Variants in SPHK1 observed in about 807,000 individuals in gnomAD.
SPHK1 encodes the protein sphingosine kinase 1.
SPHK1 carries 10 observed loss-of-function variants against 14.6 expected under a neutral mutation model. The ratio of observed to expected loss-of-function variants is 0.68; its 90% CI spans 0.42 to 1.16. The LOEUF (loss-of-function observed/expected upper bound fraction) is 1.16. SPHK1 is among the 50% of genes most tolerant of loss of function. The probability of loss-of-function intolerance (pLI) is 0.00; values close to 1 mark genes in which losing one functional copy is unlikely to be tolerated. For missense variants in SPHK1, 553 were observed against 525.4 expected (o/e 1.05, Z -0.51); for synonymous variants, 274 against 224.0 (o/e 1.22, Z -1.99).
upstream of SPHK1, chr17:76,384,216 C>T (rs1445270699): frequency 1.3e-5 from 2 of 154,320 alleles, no homozygotes; most frequent in South Asian, 1.8e-4. Flanking sequence ...AACCAAGGGT[C>T]CCCCGGGAGA....
Position 76,385,170 on chromosome 17 carries a change from G to GTC in SPHK1, c.-194-280_-194-279insCT. 6.3e-7 allele frequency: 1 copy of GTC among 1,589,504 alleles called. No homozygotes were observed. ...CCCCTCCCCCTGGCAGCCCCGAGGGGTGAGGAGCTAGTCCGTCGGAGGGAG... is the reference window on the plus strand; with the variant it reads ...CCCCTCCCCCTGGCAGCCCCGAGGGGTCTGAGGAGCTAGTCCGTCGGAGGGAG... On this transcript the variant is annotated intron_variant, in intron 1 of 5. Coordinates refer to ENST00000592299, the MANE Select transcript of SPHK1 (RefSeq NM_001142601.2). The surrounding 1 kb of genome is among the most constrained non-coding windows in gnomAD (Gnocchi z 5.3).
At position 76,385,261 on chromosome 17, in the gene SPHK1, A is replaced by G; in HGVS notation, c.-194-190A>G. 6 of 1,513,640 alleles carry G rather than the reference A, an allele frequency of 4.0e-6. No homozygotes were observed. The allele number at this position is 1,513,640 out of a possible 1,614,324, so 93.8% of individuals were successfully genotyped here. A position where few individuals can be genotyped will look rare whatever the true frequency, so the allele number is the denominator to read the frequency against. ...CCAAGCCCCAGGGAGAAAGCCCCGG[A>G]GCAGGCGCCCTTCTCAGGGATTGTA... On this transcript the variant is annotated intron_variant, in intron 1 of 5. Transcript: ENST00000592299. The surrounding 1 kb of genome is among the most constrained non-coding windows in gnomAD (Gnocchi z 5.3).
Position 76,385,085 on chromosome 17 carries a change from C to T in SPHK1, c.-195+279C>T, listed in dbSNP as rs1366697939. On this transcript the variant is annotated intron_variant, in intron 1 of 5. Transcript: ENST00000592299. The surrounding 1 kb of genome is among the most constrained non-coding windows in gnomAD (Gnocchi z 5.3). ...TGGATGGCTGGGGCAGGGATCCTCT[C>T]CCAGAACTTCGTGCCCAGCAATGTC... The T allele has an allele frequency of 1.3e-6, 2 of 1,552,462 alleles. No individual in the cohort carries two copies. The highest frequency in any genetic ancestry group is 1.4e-5 in the African/African-American group (1 of 73,312).
rs765051278 is a variant in SPHK1 at position 76,387,096 on chromosome 17, C to A, written c.665C>A (p.Thr222Lys). The change falls in exon 6 of 6, where the codon ACA (threonine) becomes AAA (lysine). Residue 222 changes from threonine to lysine, a missense_variant. Thr to Lys is a moderately conservative substitution (Grantham distance 78). Transcript: ENST00000592299. The surrounding 1 kb of genome is among the most constrained non-coding windows in gnomAD (Gnocchi z 4.1). ...CCTGTAGGAAGAGTGGGTTCCAAGA[C>A]ACCTGCCTCCCCCGTTGTGGTCCAG... ...YLPVGRVGSK[T>K]PASPVVVQQG... 3 of 1,613,198 alleles carry A rather than the reference C, an allele frequency of 1.9e-6. No individual in the cohort carries two copies. The African/African-American group carries it at 4.0e-5, about 22-fold the overall frequency.
chr17:76,386,912 C>A lies in SPHK1; in HGVS notation c.481C>A (p.Leu161Met). 2.5e-6 allele frequency: 4 copies of A among 1,612,848 alleles called. No individual in the cohort carries two copies. The highest frequency in any genetic ancestry group is 3.4e-6 in the Non-Finnish European group (4 of 1,179,458). ...NLLSLHTASG[L>M]RLFSVLSLAW... is the part of the protein sequence containing the mutation. ...GCTGTCTCTGCACACGGCTTCGGGGCTGCGCCTCTTCTCTGTGCTCAGCCT... is the reference window on the plus strand; with the variant it reads ...GCTGTCTCTGCACACGGCTTCGGGGATGCGCCTCTTCTCTGTGCTCAGCCT... Residue 161 changes from leucine to methionine, a missense_variant, in exon 6 of 6, where the codon CTG becomes ATG. Leu to Met is a conservative substitution (Grantham distance 15). Coordinates refer to ENST00000592299, the MANE Select transcript of SPHK1 (RefSeq NM_001142601.2). The surrounding 1 kb of genome is among the most constrained non-coding windows in gnomAD (Gnocchi z 5.3).
chr17:76,384,858 C>T (rs2071933607), intron 1 of SPHK1, 52 bp downstream of exon 1: 5 of 398,554 alleles, frequency 1.3e-5, no homozygotes, highest in South Asian at 9.5e-5. Flanking sequence ...GTGCGGCCCG[C>T]CCTCGCGGGG....
At position 76,385,043 on chromosome 17, in the gene SPHK1, C is replaced by T; in HGVS notation, c.-195+237C>T. ...GCTCCCACCGCTCTGGAGCTCCGGG[C>T]AGGGGACACGGCAACCTGGATGGCT... On this transcript the variant is annotated intron_variant, in intron 1 of 5. Coordinates refer to ENST00000592299, the MANE Select transcript of SPHK1 (RefSeq NM_001142601.2). The surrounding 1 kb of genome is among the most constrained non-coding windows in gnomAD (Gnocchi z 5.3). The T allele has an allele frequency of 6.6e-7, 1 of 1,526,288 alleles. No individual in the cohort carries two copies. Among genetic ancestry groups the T allele is most frequent in the South Asian group, 1.2e-5 (1 of 81,636 alleles). The allele number at this position is 1,526,288 out of a possible 1,614,324, so 94.5% of individuals were successfully genotyped here. A position where few individuals can be genotyped will look rare whatever the true frequency, so the allele number is the denominator to read the frequency against.
In SPHK1 at chr17:76,387,337, C is replaced by T. The variant is rs1474529646; in HGVS notation, c.906C>T (p.Leu302=). The change falls in exon 6 of 6, where the codon CTC becomes CTT. Residue 302 remains leucine, a synonymous_variant. Coordinates refer to ENST00000592299, the MANE Select transcript of SPHK1 (RefSeq NM_001142601.2). This position sits in a 1 kb window ranked among gnomAD's most constrained non-coding sequence, Gnocchi z 4.1. The part of the protein sequence containing the change: ...AGVSRAMLLR[L]FLAMEKGRHM... The stretch of plus-strand genomic sequence containing the variant: ...TGTCTCGTGCCATGCTGCTGCGCCT[C>T]TTCCTGGCCATGGAGAAGGGCAGGC... 1 of 1,613,864 alleles carries T rather than the reference C, an allele frequency of 6.2e-7. No homozygotes were observed. Among genetic ancestry groups the T allele is most frequent in the Admixed American group, 1.7e-5 (1 of 60,008 alleles).
At chr17:76,384,307 T>A (rs2071920123), upstream of SPHK1, 1 of 151,318 alleles carries the variant, frequency 6.6e-6, no homozygotes. Flanking sequence ...CGCGGTCGCT[T>A]TCGCGCGCCC....
In SPHK1 at chr17:76,386,001, CG is replaced by C; in HGVS notation, c.28del (p.Val10CysfsTer12). On this transcript the variant is annotated frameshift_variant, in exon 3 of 6. Transcript: ENST00000592299. LOFTEE classifies it high-confidence loss of function. This position sits in a 1 kb window ranked among gnomAD's most constrained non-coding sequence, Gnocchi z 5.3. ...TTTTCTCAGCGGGCGGCCCCCGGGGCGTGCTCCCGCGGCCCTGCCGCGTGCT... is the reference window on the plus strand; with the variant it reads ...TTTTCTCAGCGGGCGGCCCCCGGGGCTGCTCCCGCGGCCCTGCCGCGTGCT... MDPAGGPRG[V>X]LPRPCRVLVL... 1 of 1,601,172 alleles carries C rather than the reference CG, an allele frequency of 6.2e-7. No homozygotes were observed. The highest frequency in any genetic ancestry group is 8.5e-7 in the Non-Finnish European group (1 of 1,173,152).
rs1026900177 is a variant in SPHK1, at chr17:76,385,235, C to G, written c.-194-216C>G. 40 of 1,539,548 alleles carry G rather than the reference C, an allele frequency of 2.6e-5. No individual in the cohort carries two copies. Among genetic ancestry groups the G allele is most frequent in the Non-Finnish European group, 2.9e-5 (33 of 1,142,206 alleles). On this transcript the variant is annotated intron_variant, in intron 1 of 5. Coordinates refer to ENST00000592299, the MANE Select transcript of SPHK1 (RefSeq NM_001142601.2). This position sits in a 1 kb window ranked among gnomAD's most constrained non-coding sequence, Gnocchi z 5.3. ...CTCATCCGTCGGGCCGGAACCGAAC[C>G]CCAAGCCCCAGGGAGAAAGCCCCGG... is the stretch of plus-strand genomic sequence containing the variant.
rs1192192759 is a variant in SPHK1 at position 76,385,134 on chromosome 17, G to C, written c.-194-317G>C. 6.3e-7 allele frequency: 1 copy of C among 1,592,918 alleles called. No individual in the cohort carries two copies. Among genetic ancestry groups the C allele is most frequent in the Non-Finnish European group, 8.5e-7 (1 of 1,170,910 alleles). ...TCCGCTCAAGTTCTGGGATTTTTAC[G>C]CAGCTGGACTCCCCTCCCCCTGGCA... On this transcript the variant is annotated intron_variant, in intron 1 of 5. Coordinates refer to ENST00000592299, the MANE Select transcript of SPHK1 (RefSeq NM_001142601.2). The surrounding 1 kb of genome is among the most constrained non-coding windows in gnomAD (Gnocchi z 5.3).
chr17:76,385,892 C>T lies in SPHK1; in HGVS notation c.11-93C>T. On this transcript the variant is annotated intron_variant, in intron 2 of 5. Transcript: ENST00000592299. This position sits in a 1 kb window ranked among gnomAD's most constrained non-coding sequence, Gnocchi z 5.3. Reference sequence around the variant, plus strand: ...GCCAGGGTCAATTACCGGGGTGTTTCGGGCACCAAGTTCCCACACTAGTGC... The same window carrying T: ...GCCAGGGTCAATTACCGGGGTGTTTTGGGCACCAAGTTCCCACACTAGTGC... 1 of 1,496,722 alleles carries T rather than the reference C, an allele frequency of 6.7e-7. No individual in the cohort carries two copies. Among genetic ancestry groups the T allele is most frequent in the Admixed American group, 2.2e-5 (1 of 44,464 alleles). 92.7% of individuals were successfully genotyped at this position (1,496,722 alleles called of 1,614,324 possible). A position where few individuals can be genotyped will look rare whatever the true frequency, so the allele number is the denominator to read the frequency against.
In SPHK1 at chr17:76,386,259, G is replaced by C; in HGVS notation, c.202G>C (p.Glu68Gln). Reference protein sequence around the residue: ...NHARELVRSEELGRWDALVVM... With the variant: ...NHARELVRSEQLGRWDALVVM... Reference sequence around the variant, plus strand: ...CGCGCGGGAGCTGGTGCGGTCGGAGGAGCTGGGCCGCTGGGACGCTCTGGT... The same window carrying C: ...CGCGCGGGAGCTGGTGCGGTCGGAGCAGCTGGGCCGCTGGGACGCTCTGGT... Residue 68 changes from glutamate (E) to glutamine (Q), a missense_variant, in exon 4 of 6, where the codon GAG becomes CAG. Glu to Gln is a conservative substitution (Grantham distance 29). Transcript: ENST00000592299. This position sits in a 1 kb window ranked among gnomAD's most constrained non-coding sequence, Gnocchi z 5.3. 1 of 1,596,242 alleles carries C rather than the reference G, an allele frequency of 6.3e-7. No homozygotes were observed. Among genetic ancestry groups the C allele is most frequent in the Non-Finnish European group, 8.5e-7 (1 of 1,176,794 alleles).
intron 1 of SPHK1, 64 bp downstream of exon 1, chr17:76,384,870 C>G: frequency 4.7e-6 from 2 of 425,886 alleles, no homozygotes; most frequent in East Asian, 8.5e-5. Flanking sequence ...CTCGCGGGGC[C>G]CCGGGAACTG....
rs1411114730 is a variant in SPHK1, at chr17:76,387,389, G to A, written c.958G>A (p.Val320Ile). ...TATGGAGTATGAATGCCCCTACTTG[G>A]TATATGTGCCCGTGGTCGCCTTCCG... is the stretch of plus-strand genomic sequence containing the variant. ...RHMEYECPYLVYVPVVAFRLE... is the reference protein window; with the variant it reads ...RHMEYECPYLIYVPVVAFRLE... The change falls in exon 6 of 6, where the codon GTA (valine) becomes ATA (isoleucine). Residue 320 changes from valine (V) to isoleucine (I), a missense_variant. Val to Ile is a conservative substitution (Grantham distance 29). Transcript: ENST00000592299. The surrounding 1 kb of genome is among the most constrained non-coding windows in gnomAD (Gnocchi z 4.1). The A allele has an allele frequency of 2.5e-6, 4 of 1,613,776 alleles. No individual in the cohort carries two copies. Among genetic ancestry groups the A allele is most frequent in the African/African-American group, 2.7e-5 (2 of 74,876 alleles).
At chr17:76,383,245 G>A (rs986056444), upstream of SPHK1, 1 of 151,952 alleles carries the variant, frequency 6.6e-6, no homozygotes, top group African/African-American at 2.4e-5. Flanking sequence ...ACCCAGCGGG[G>A]ACTGCCCGGG....
Position 76,386,513 on chromosome 17 carries a change from G to C in SPHK1, c.374+5G>C, listed in dbSNP as rs1313444057. The C allele has an allele frequency of 1.9e-6, 3 of 1,610,364 alleles. No individual in the cohort carries two copies. Among genetic ancestry groups the C allele is most frequent in the Middle Eastern group, 3.3e-4 (2 of 6,058 alleles). On this transcript the variant is annotated splice_donor_5th_base_variant and intron_variant, in intron 5 of 5. Transcript: ENST00000592299. The surrounding 1 kb of genome is among the most constrained non-coding windows in gnomAD (Gnocchi z 5.3). ...TTCCTTGAACCATTATGCTGGGTGA[G>C]AGCCCAGGGCCAGAGTAGGCCTGTT...
Position 76,386,985 on chromosome 17 carries a change from G to C in SPHK1, c.554G>C (p.Arg185Pro). 6.2e-7 allele frequency: 1 copy of C among 1,613,564 alleles called. No individual in the cohort carries two copies. The highest frequency in any genetic ancestry group is 8.5e-7 in the Non-Finnish European group (1 of 1,179,898). Residue 185 changes from arginine to proline, a missense_variant, in exon 6 of 6, where the codon CGG (arginine) becomes CCG (proline). Arg to Pro is a moderately radical substitution (Grantham distance 103, BLOSUM62 -2). Transcript: ENST00000592299. This position sits in a 1 kb window ranked among gnomAD's most constrained non-coding sequence, Gnocchi z 5.3. ...ADVDLESEKY[R>P]RLGEMRFTLG... Reference sequence around the variant, plus strand: ...GTGGACCTAGAGAGTGAGAAGTATCGGCGTCTGGGGGAGATGCGCTTCACT... The same window carrying C: ...GTGGACCTAGAGAGTGAGAAGTATCCGCGTCTGGGGGAGATGCGCTTCACT...
Sources: allele counts gnomAD v4.1 joint callset, GRCh38; gene constraint gnomAD v4.1.1; non-coding constraint Gnocchi (gnomAD v3.1); transcripts MANE v1.5; gene names NCBI Gene and HGNC (gene_info 2026-07-23, HGNC 2026-07-21).